The following TNN variants were observed in gnomAD, a reference collection of about 807,000 sequenced individuals.
TNN encodes tenascin-N.
A neutral mutation model predicts 134.4 loss-of-function variants in TNN; 122 were observed. The ratio of observed to expected loss-of-function variants is 0.91; its 90% CI spans 0.78 to 1.06. TNN has a LOEUF of 1.06. TNN is among the 50% of genes least tolerant of loss of function. The probability of loss-of-function intolerance (pLI) is 0.00; values close to 1 mark genes in which losing one functional copy is unlikely to be tolerated. For synonymous variants in TNN, 710 were observed against 670.3 expected (o/e 1.06, Z -0.91); for missense variants, 1,739 against 1,699.4 (o/e 1.02, Z -0.41).
Position 175,135,728 on chromosome 1 carries a change from T to C in TNN, c.3331-117T>C, listed in dbSNP as rs1675785573. On this transcript the variant is annotated intron_variant, in intron 15 of 18. Transcript: ENST00000239462. ...ATATAAATAAAAAGCCTCTCTAGAA[T>C]GAAAGGCTTGCTAGCTGGAGGAAGG... is the stretch of plus-strand genomic sequence containing the variant. 3 of 758,824 alleles carry C rather than the reference T, an allele frequency of 4.0e-6. No homozygotes were observed. In the Admixed American group the frequency reaches 6.2e-5, roughly 16 times the overall value. 47.0% of individuals were successfully genotyped at this position (758,824 alleles called of 1,614,324 possible).
chr1:175,092,428 C>T (rs568782106), intron 6 of TNN, among the ~76,000 whole-genome samples: 51 of 152,010 alleles, frequency 3.4e-4, no homozygotes, highest in African/African-American at 1.2e-3. Context: ...GTGCCAGTCA[C>T]AGTGAGACTA....
At chr1:175,120,823 C>T (rs1250780750) in intron 11 of TNN, among the ~76,000 whole-genome samples, 1 of 152,172 alleles carries the variant, frequency 6.6e-6, no homozygotes, top group Non-Finnish European at 1.5e-5. Context: ...TTTTCAGAGA[C>T]AGGGTCTCAT....
Position 175,077,476 on chromosome 1 carries a change from C to G in TNN, c.58C>G (p.Leu20Val), listed in dbSNP as rs200652913. 251 of 1,613,914 alleles carry G rather than the reference C, an allele frequency of 1.6e-4. No individual in the cohort carries two copies. In the East Asian group the frequency reaches 5.5e-3, roughly 36 times the overall value. Residue 20 changes from leucine (L) to valine (V), a missense_variant, in exon 2 of 19, where the codon CTG becomes GTG. Leu to Val is a conservative substitution (Grantham distance 32). Coordinates refer to ENST00000239462, the MANE Select transcript of TNN (RefSeq NM_022093.2). ...GGGGCTCCTGCTTGGCTCTGTGCTCCTGGTGGCTTCGGCCCCAGCCACTCT... is the reference window on the plus strand; with the variant it reads ...GGGGCTCCTGCTTGGCTCTGTGCTCGTGGTGGCTTCGGCCCCAGCCACTCT... ...PMGLLLGSVLLVASAPATLEP... is the reference protein window; with the variant it reads ...PMGLLLGSVLVVASAPATLEP...
At chr1:175,075,786 C>A (rs1674025756) in intron 1 of TNN, among the ~76,000 whole-genome samples, 1 of 152,196 alleles carries the variant, frequency 6.6e-6, no homozygotes, top group African/African-American at 2.4e-5. Flanking sequence ...GAGGCGGAGG[C>A]TCAGGATGAG....
intron 11 of TNN, among the ~76,000 whole-genome samples, chr1:175,119,620 C>T (rs1675290930): frequency 6.7e-6 from 1 of 149,260 alleles, no homozygotes; most frequent in South Asian, 2.1e-4. Context: ...GGAGCAGTCC[C>T]ATGAATGCCT....
In TNN at chr1:175,128,200, A is replaced by G. The variant is rs750772309; in HGVS notation, c.3178+36A>G. ...ATCCTGTACTCTGAACGACCGTGCA[A>G]TGAGAACCAGCACCGGAAAGCCTAG... On this transcript the variant is annotated intron_variant, in intron 14 of 18. Coordinates refer to ENST00000239462, the MANE Select transcript of TNN (RefSeq NM_022093.2). The G allele has an allele frequency of 3.9e-6, 6 of 1,536,946 alleles. No homozygotes were observed. In the Admixed American group the frequency reaches 6.2e-5, roughly 16 times the overall value.
At chr1:175,086,044 A>G (rs1274563281) in intron 6 of TNN, among the ~76,000 whole-genome samples, 1 of 152,192 alleles carries the variant, frequency 6.6e-6, no homozygotes, top group Non-Finnish European at 1.5e-5. Context: ...AAGGGACAAG[A>G]CTGTCTGACA....
At chr1:175,100,623 T>A (rs1481983534) in intron 9 of TNN, among the ~76,000 whole-genome samples, 1 of 152,194 alleles carries the variant, frequency 6.6e-6, no homozygotes, top group Non-Finnish European at 1.5e-5. Flanking sequence ...TAAAGCAACA[T>A]GTGTAATAGG....
At chr1:175,092,478 T>C (rs1399169266) in intron 6 of TNN, among the ~76,000 whole-genome samples, 1 of 152,230 alleles carries the variant, frequency 6.6e-6, no homozygotes, top group Non-Finnish European at 1.5e-5. Flanking sequence ...AGTTTCTCTC[T>C]CTAGTTACTG....
At chr1:175,142,409 G>A (rs1356830520) in intron 17 of TNN, among the ~76,000 whole-genome samples, 1 of 152,128 alleles carries the variant, frequency 6.6e-6, no homozygotes, top group Non-Finnish European at 1.5e-5. Flanking sequence ...TTATTTTTGT[G>A]TTCACAGAGC....
chr1:175,077,584 G>T lies in TNN; in HGVS notation c.166G>T (p.Val56Phe), dbSNP rs750200132. The T allele has an allele frequency of 2.4e-5, 38 of 1,614,234 alleles. No homozygotes were observed. In the Admixed American group the frequency reaches 3.3e-4, roughly 14 times the overall value. Residue 56 changes from valine to phenylalanine, a missense_variant, in exon 2 of 19, where the codon GTT (valine) becomes TTT (phenylalanine). Coordinates refer to ENST00000239462, the MANE Select transcript of TNN (RefSeq NM_022093.2). Reference sequence around the variant, plus strand: ...GATCGATGTGCCCAAGTCTGCCTTGGTTCAGGTTGACGCTGACCCTCAGCC... The same window carrying T: ...GATCGATGTGCCCAAGTCTGCCTTGTTTCAGGTTGACGCTGACCCTCAGCC... ...YKIDVPKSALVQVDADPQPLS... is the reference protein window; with the variant it reads ...YKIDVPKSALFQVDADPQPLS...
chr1:175,111,530 A>G (rs1675026775), intron 9 of TNN, among the ~76,000 whole-genome samples: 1 of 150,810 alleles, frequency 6.6e-6, no homozygotes. Context: ...TTGTTTTTCT[A>G]AAGAATGTCA....
Position 175,117,191 on chromosome 1 carries a change from C to T in TNN, c.2372C>T (p.Thr791Ile), listed in dbSNP as rs1354427547. 1 of 1,614,230 alleles carries T rather than the reference C, an allele frequency of 6.2e-7. No homozygotes were observed. The highest frequency in any genetic ancestry group is 8.5e-7 in the Non-Finnish European group (1 of 1,180,040). Reference protein sequence around the residue: ...KGAQESKKADTKAQTDIDSPQ... With the variant: ...KGAQESKKADIKAQTDIDSPQ... ...GCCCAGGAGAGCAAGAAGGCTGACACCAAGGCCCAGACAGGTAAGGAGCAT... is the reference window on the plus strand; with the variant it reads ...GCCCAGGAGAGCAAGAAGGCTGACATCAAGGCCCAGACAGGTAAGGAGCAT... Residue 791 changes from threonine to isoleucine, a missense_variant, in exon 10 of 19, where the codon ACC (threonine) becomes ATC (isoleucine). By Grantham distance (89) the Thr-to-Ile change is moderately conservative. Coordinates refer to ENST00000239462, the MANE Select transcript of TNN (RefSeq NM_022093.2).
intron 11 of TNN, among the ~76,000 whole-genome samples, chr1:175,119,416 A>AGGC (rs1487509901): frequency 6.6e-6 from 1 of 152,168 alleles, no homozygotes; most frequent in African/African-American, 2.4e-5. Flanking sequence ...TCTTTACTGC[A>AGGC]GGCTGTTTTA....
chr1:175,109,016 C>T (rs1412056877), intron 9 of TNN, among the ~76,000 whole-genome samples: 3 of 151,398 alleles, frequency 2.0e-5, no homozygotes, highest in Non-Finnish European at 2.9e-5. Flanking sequence ...CACGCTGTCA[C>T]CTCTTAATCC....
chr1:175,119,827 A>G (rs1675301621), intron 11 of TNN, among the ~76,000 whole-genome samples: 1 of 151,530 alleles, frequency 6.6e-6, no homozygotes. Context: ...TTTAGTAGAG[A>G]CGGGGTTTCA....
intron 4 of TNN, among the ~76,000 whole-genome samples, chr1:175,082,143 G>A (rs1002677266): frequency 7.2e-5 from 11 of 152,190 alleles, no homozygotes; most frequent in African/African-American, 2.4e-4. Flanking sequence ...GGCAGAGTCT[G>A]CTTTTCTCTT....
intron 4 of TNN, among the ~76,000 whole-genome samples, chr1:175,083,366 G>T (rs1317836571): frequency 6.6e-6 from 1 of 152,182 alleles, no homozygotes; most frequent in African/African-American, 2.4e-5. Flanking sequence ...TAGAGGGCAG[G>T]GGCTCTGCAG....
In TNN at chr1:175,082,167, T is replaced by C. The variant is rs183140355; in HGVS notation, c.1049-1583T>C. Among the ~76,000 whole-genome samples, 266 of 152,330 alleles carry C rather than the reference T, an allele frequency of 1.7e-3. 1 individual carries two copies. The highest frequency in any genetic ancestry group is 2.9e-3 in the Non-Finnish European group (200 of 68,030). ...TGCTTTTCTCTTTTTCCCCATTTTGTCTGTGGCTGCCTCTGGTACAGCTAG... is the reference window on the plus strand; with the variant it reads ...TGCTTTTCTCTTTTTCCCCATTTTGCCTGTGGCTGCCTCTGGTACAGCTAG... On this transcript the variant is annotated intron_variant, in intron 4 of 18. Coordinates refer to ENST00000239462, the MANE Select transcript of TNN (RefSeq NM_022093.2).
Sources: gnomAD v4.1 joint callset for allele counts (sites outside exome capture counted in the v4.1 genomes callset) on GRCh38, gnomAD v4.1.1 for gene constraint, MANE v1.5 for transcripts, NCBI Gene and HGNC (gene_info 2026-07-23, HGNC 2026-07-21) for gene names.